Variants in ERP27 observed in about 807,000 individuals in gnomAD.
ERP27 encodes the protein endoplasmic reticulum protein 27.
A neutral mutation model predicts 27.7 loss-of-function variants in ERP27; 23 were observed. The ratio of observed to expected loss-of-function variants is 0.83; its 90% CI spans 0.60 to 1.18. The LOEUF (loss-of-function observed/expected upper bound fraction) is 1.18, where lower values mean the gene tolerates loss of function less well. ERP27 is among the 50% of genes most tolerant of loss of function. ERP27 has a pLI of 0.00. For missense variants in ERP27, 363 were observed against 327.9 expected, an observed-to-expected ratio of 1.11 and a Z score of -0.83; for synonymous variants, 159 against 118.3, an observed-to-expected ratio of 1.34 and a Z score of -2.23.
intron 2 of ERP27, 132 bp from the exon 3 acceptor site, chr12:14,935,125 T>C: frequency 6.9e-7 from 1 of 1,457,002 alleles, no homozygotes; most frequent in Non-Finnish European, 9.0e-7. Context: ...ACACATGATT[T>C]ACCCCTAACA....
At chr12:14,927,947 G>C (rs1400454475) in intron 3 of ERP27, among the ~76,000 whole-genome samples, 1 of 152,078 alleles carries the variant, frequency 6.6e-6, no homozygotes, top group Non-Finnish European at 1.5e-5. Context: ...ATTGTTCTCA[G>C]TTTTCTATTT....
At chr12:14,937,761 A>T (rs34851273) in intron 2 of ERP27, among the ~76,000 whole-genome samples, 191 bp downstream of exon 2, 1,892 of 152,350 alleles carry the variant, frequency 0.012, 15 homozygotes, top group Non-Finnish European at 0.02. Context: ...TATGAGAAAG[A>T]TATAATTTAG....
intron 2 of ERP27, among the ~76,000 whole-genome samples, chr12:14,936,889 C>A (rs930282188): frequency 2.0e-5 from 3 of 152,076 alleles, no homozygotes; most frequent in African/African-American, 7.2e-5. Flanking sequence ...TTATTGGCAG[C>A]ATGAGAAGAA....
At chr12:14,935,569 C>T (rs1306457556) in intron 2 of ERP27, among the ~76,000 whole-genome samples, 1 of 152,152 alleles carries the variant, frequency 6.6e-6, no homozygotes, top group African/African-American at 2.4e-5. Context: ...TTATAGGTGC[C>T]TTGTGACCTG....
Position 14,934,991 on chromosome 12 carries a change from A to C in ERP27, c.198T>G (p.Asp66Glu). The C allele has an allele frequency of 6.2e-6, 10 of 1,613,794 alleles. No individual in the cohort carries two copies. Among genetic ancestry groups the C allele is most frequent in the Non-Finnish European group, 8.5e-6 (10 of 1,179,850 alleles). The stretch of plus-strand genomic sequence containing the variant: ...GTATGGGCACTGCTGGTATTTCTAA[A>C]TCCTAAAAACAAGAGAAAAAATAAT... ...TEVAVIGFFQ[D>E]LEIPAVPILH... The change falls in exon 3 of 7, where the codon GAT (aspartate) becomes GAG (glutamate). Residue 66 changes from aspartate to glutamate, a missense_variant and splice_region_variant. Physicochemically the swap from Asp to Glu is conservative, Grantham distance 45. Transcript: ENST00000266397.
intron 4 of ERP27, among the ~76,000 whole-genome samples, chr12:14,919,751 T>G (rs1388222752): frequency 6.6e-6 from 1 of 152,234 alleles, no homozygotes. Context: ...TTGAAGAAGT[T>G]ACTTAAATTT....
intron 4 of ERP27, among the ~76,000 whole-genome samples, chr12:14,919,811 T>A (rs1863472445): frequency 6.6e-6 from 1 of 152,248 alleles, no homozygotes; most frequent in African/African-American, 2.4e-5. Flanking sequence ...CAAAATGTGC[T>A]AATGCATCAG....
intron 3 of ERP27, among the ~76,000 whole-genome samples, chr12:14,930,627 T>TTAA (rs59550793): frequency 9.8e-4 from 56 of 57,308 alleles, no homozygotes; most frequent in African/African-American, 5.3e-3. Flanking sequence ...TATATGCAAC[T>TTAA]TATGGTTTCA....
chr12:14,929,213 C>T, intron 3 of ERP27: 5 of 1,179,076 alleles, frequency 4.2e-6, no homozygotes, highest in Non-Finnish European at 5.5e-6. Context: ...AAGCCAGTTA[C>T]TCTGGGTGTT....
At chr12:14,924,717 T>C (rs960145012) in intron 3 of ERP27, among the ~76,000 whole-genome samples, 1 of 152,158 alleles carries the variant, frequency 6.6e-6, no homozygotes, top group Non-Finnish European at 1.5e-5. Context: ...AGCAACTCCA[T>C]CTTGAATAGG....
Position 14,914,463 on chromosome 12 carries a change from A to C in ERP27, c.*272T>G. 2.2e-6 allele frequency: 1 copy of C among 462,820 alleles called. No individual in the cohort carries two copies. Among genetic ancestry groups the C allele is most frequent in the Admixed American group, 3.9e-5 (1 of 25,516 alleles). The allele number at this position is 462,820 out of a possible 1,614,324, so 28.7% of individuals were successfully genotyped here. On this transcript the variant is annotated 3_prime_UTR_variant, in exon 7 of 7. Transcript: ENST00000266397. ...TTACAGATGGGCTTACAGAGTATGA[A>C]TGCACGATAAGAAGGAAATTGGATA...
intron 5 of ERP27, 73 bp downstream of exon 5, chr12:14,917,105 T>A: frequency 6.3e-7 from 1 of 1,577,906 alleles, no homozygotes; most frequent in Non-Finnish European, 8.7e-7. Context: ...TATCTCTGCT[T>A]CCTAGCCCCA....
intron 3 of ERP27, chr12:14,928,857 A>G: frequency 9.6e-6 from 13 of 1,349,036 alleles, no homozygotes; most frequent in East Asian, 2.5e-5. Flanking sequence ...TCCCTTGCCC[A>G]TATCAAGACG....
In ERP27 at chr12:14,914,678, G is replaced by C. The variant is rs1267404390; in HGVS notation, c.*57C>G. On this transcript the variant is annotated 3_prime_UTR_variant, in exon 7 of 7. Transcript: ENST00000266397. The stretch of plus-strand genomic sequence containing the variant: ...GTTTAGTGTCTCTGAGATTTGAGTT[G>C]TGCCTTTTTACTTTGCATAAAGTAG... The C allele has an allele frequency of 6.6e-7, 1 of 1,513,396 alleles. No homozygotes were observed. Among genetic ancestry groups the C allele is most frequent in the African/African-American group, 1.4e-5 (1 of 72,222 alleles). The allele number at this position is 1,513,396 out of a possible 1,614,324, so 93.7% of individuals were successfully genotyped here. A position where few individuals can be genotyped will look rare whatever the true frequency, so the allele number is the denominator to read the frequency against.
intron 4 of ERP27, 96 bp from the exon 5 acceptor site, chr12:14,917,399 A>G (rs1863428372): frequency 1.3e-6 from 2 of 1,527,726 alleles, no homozygotes; most frequent in East Asian, 4.5e-5. Context: ...CTTAAATGAG[A>G]GCTGGCCACT....
chr12:14,928,831 A>T, intron 3 of ERP27: 1 of 1,079,940 alleles, frequency 9.3e-7, no homozygotes, highest in Non-Finnish European at 1.4e-6. Flanking sequence ...CCACCCTCCT[A>T]CCACCTCCTT....
chr12:14,938,214 G>T (rs750947348), intron 1 of ERP27, among the ~76,000 whole-genome samples, 162 bp from the exon 2 acceptor site: 29 of 152,140 alleles, frequency 1.9e-4, no homozygotes, highest in Non-Finnish European at 3.2e-4. Context: ...CTAACATATG[G>T]AAGGTGACCC....
At chr12:14,919,812 A>G (rs1863472481) in intron 4 of ERP27, among the ~76,000 whole-genome samples, 1 of 152,230 alleles carries the variant, frequency 6.6e-6, no homozygotes, top group Non-Finnish European at 1.5e-5. Flanking sequence ...AAAATGTGCT[A>G]ATGCATCAGT....
chr12:14,923,515 C>CTATCTA (rs1555098928), intron 3 of ERP27, among the ~76,000 whole-genome samples: 9 of 151,598 alleles, frequency 5.9e-5, no homozygotes, highest in African/African-American at 1.9e-4. Flanking sequence ...ATCTATCTAT[C>CTATCTA]TATCTATCTA....
Sources: allele counts gnomAD v4.1 joint callset (sites outside exome capture counted in the v4.1 genomes callset), GRCh38; gene constraint gnomAD v4.1.1; transcripts MANE v1.5; gene names NCBI Gene and HGNC (gene_info 2026-07-23, HGNC 2026-07-21).